MAP3K15: variants seen among roughly 807,000 people sequenced by gnomAD.
The protein encoded by MAP3K15 is mitogen-activated protein kinase kinase kinase 15, also known as MAPK/ERK kinase kinase 15.
Under a neutral mutation model 99.5 loss-of-function variants are expected in MAP3K15, and 124 were observed. The observed-to-expected ratio is 1.25, with a 90% CI of 1.08 to 1.45. MAP3K15 has a LOEUF of 1.45. MAP3K15 is among the 40% of genes most tolerant of loss of function. The pLI is 0.00. For synonymous variants in MAP3K15, 494 were observed against 439.6 expected (o/e 1.12, Z -1.55); for missense variants, 1,242 against 1,079.7 (o/e 1.15, Z -2.11).
chrX:19,399,841 C>T (rs993901962), intron 14 of MAP3K15, among the ~76,000 whole-genome samples: 12 of 109,623 alleles, frequency 1.1e-4, no homozygotes, highest in African/African-American at 4.0e-4. Flanking sequence ...ACTTTTACCT[C>T]ACACCTCCCT....
chrX:19,413,273 A>G (rs908993402), intron 11 of MAP3K15, 84 bp downstream of exon 11: 12 of 633,723 alleles, frequency 1.9e-5, no homozygotes, highest in Non-Finnish European at 3.0e-5. Context: ...GAAGTTAAAC[A>G]TGGGTGCCTT....
intron 18 of MAP3K15, among the ~76,000 whole-genome samples, chrX:19,382,413 C>T (rs998031195): frequency 1.8e-5 from 2 of 111,477 alleles, no homozygotes; most frequent in Non-Finnish European, 3.8e-5. Context: ...CTGATGGCAA[C>T]GTTCTATCCT....
chrX:19,512,603 T>C (rs1170631001), intron 1 of MAP3K15, among the ~76,000 whole-genome samples: 1 of 108,767 alleles, frequency 9.2e-6, no homozygotes, highest in East Asian at 2.9e-4. Context: ...ACCTCCCAGG[T>C]AGCTGGGACC....
chrX:19,495,303 C>A (rs1354672251), intron 1 of MAP3K15, among the ~76,000 whole-genome samples: 1 of 112,147 alleles, frequency 8.9e-6, no homozygotes, highest in Non-Finnish European at 1.9e-5. Context: ...TGAGCCACCG[C>A]ACCCAGCTTG....
At chrX:19,404,386 T>G (rs1410533339) in intron 13 of MAP3K15, among the ~76,000 whole-genome samples, 1 of 112,123 alleles carries the variant, frequency 8.9e-6, no homozygotes, top group East Asian at 2.8e-4. Context: ...CTTGTGTTCA[T>G]GGATTGGAAG....
intron 10 of MAP3K15, among the ~76,000 whole-genome samples, chrX:19,414,653 A>T (rs1236336111): frequency 8.9e-6 from 1 of 112,634 alleles, no homozygotes; most frequent in Non-Finnish European, 1.9e-5. Flanking sequence ...ACCACGCTGA[A>T]TTCCAAGTTT....
intron 1 of MAP3K15, among the ~76,000 whole-genome samples, chrX:19,494,093 A>T (rs7064186): frequency 9.1e-6 from 1 of 110,211 alleles, no homozygotes; most frequent in African/African-American, 3.3e-5. Context: ...AAAAAAACAC[A>T]TATCATATAA....
intron 1 of MAP3K15, among the ~76,000 whole-genome samples, chrX:19,494,787 C>G (rs768115172): frequency 2.8e-5 from 3 of 107,771 alleles, no homozygotes; most frequent in Non-Finnish European, 3.8e-5. Context: ...AAATGAAAAG[C>G]GCTAGACTTC....
At chrX:19,364,402 T>C (rs1269933354) in intron 25 of MAP3K15, among the ~76,000 whole-genome samples, 2 of 111,607 alleles carry the variant, frequency 1.8e-5, no homozygotes, top group African/African-American at 6.5e-5. Context: ...TGCCCCCAAA[T>C]GGCCTCAGCA....
intron 13 of MAP3K15, among the ~76,000 whole-genome samples, chrX:19,402,158 G>A (rs2063613853): frequency 9.2e-6 from 1 of 108,466 alleles, no homozygotes; most frequent in Non-Finnish European, 1.9e-5. Context: ...AGCCAGGTGT[G>A]GTGGCACACA....
At chrX:19,374,118 G>A (rs2063400597) in intron 20 of MAP3K15, among the ~76,000 whole-genome samples, 1 of 111,039 alleles carries the variant, frequency 9.0e-6, no homozygotes, top group Non-Finnish European at 1.9e-5. Flanking sequence ...TGACAAGCCA[G>A]GCTCCAAAAC....
chrX:19,388,360 C>T (rs1327741204), intron 18 of MAP3K15, among the ~76,000 whole-genome samples: 1 of 111,971 alleles, frequency 8.9e-6, no homozygotes, highest in South Asian at 3.7e-4. Context: ...GGAAAGAACT[C>T]CCGCCCCAGG....
At position 19,408,833 on chromosome X, in the gene MAP3K15, C is replaced by T. The variant is rs1161609901; in HGVS notation, c.1748+1091G>A. ...GAAAGGCCTTTCTTGAGCTACAGTG[C>T]CGTGTTTATTTCCATTTCCCTCGTG... On this transcript the variant is annotated intron_variant, in intron 12 of 28. Transcript: ENST00000338883. Among the ~76,000 whole-genome samples, 3 of 111,064 alleles carry T rather than the reference C, an allele frequency of 2.7e-5. No individual in the cohort carries two copies. The East Asian group carries it at 8.4e-4, about 31-fold the overall frequency.
chrX:19,381,346 G>C (rs1295580051), intron 18 of MAP3K15, among the ~76,000 whole-genome samples: 1 of 111,849 alleles, frequency 8.9e-6, no homozygotes, highest in African/African-American at 3.3e-5. Flanking sequence ...TCTGGGATGG[G>C]AGAGCAGCCC....
intron 9 of MAP3K15, among the ~76,000 whole-genome samples, chrX:19,425,091 A>C (rs181772955): frequency 3.3e-4 from 37 of 111,739 alleles, no homozygotes; most frequent in Admixed American, 3.2e-3. Flanking sequence ...TCTTTCCTGC[A>C]CATTTAAATG....
At chrX:19,507,575 C>CAAAAAAAAAAAAAAA (rs1165492097) in intron 1 of MAP3K15, among the ~76,000 whole-genome samples, 3 of 10,892 alleles carry the variant, frequency 2.8e-4, no homozygotes, top group African/African-American at 3.2e-4. Context: ...CACCTTGTCT[C>CAAAAAAAAAAAAAAA]AAAAAAAAAA....
intron 7 of MAP3K15, among the ~76,000 whole-genome samples, 172 bp downstream of exon 7, chrX:19,431,266 A>G (rs922228379): frequency 1.8e-5 from 2 of 111,207 alleles, no homozygotes; most frequent in African/African-American, 6.6e-5. Context: ...CCTGTTTCTC[A>G]TGGTTTTCTC....
intron 15 of MAP3K15, 98 bp from the exon 16 acceptor site, chrX:19,395,306 T>G: frequency 1.1e-6 from 1 of 873,564 alleles, no homozygotes; most frequent in Non-Finnish European, 1.6e-6. Flanking sequence ...TGCCCATCCC[T>G]TCTTTCTGGA....
At chrX:19,377,468 C>T (rs746765796) in intron 19 of MAP3K15, among the ~76,000 whole-genome samples, 5 of 110,894 alleles carry the variant, frequency 4.5e-5, no homozygotes, top group Non-Finnish European at 9.5e-5. Flanking sequence ...CGCTTGAACC[C>T]GGGAGGCAGA....
Sources: allele counts gnomAD v4.1 joint callset (sites outside exome capture counted in the v4.1 genomes callset), GRCh38; gene constraint gnomAD v4.1.1; transcripts MANE v1.5; gene names NCBI Gene and HGNC (gene_info 2026-07-23, HGNC 2026-07-21).